GAS6: variants seen among roughly 807,000 people sequenced by gnomAD.
GAS6 encodes growth arrest specific 6, also known as growth arrest-specific protein 6.
GAS6 carries 41 observed loss-of-function variants against 75.8 expected under a neutral mutation model. That is an observed-to-expected ratio of 0.54 (90% CI 0.42 to 0.70). GAS6 has a LOEUF of 0.70. GAS6 is among the 30% of genes least tolerant of loss of function. The pLI, the probability that GAS6 is intolerant of heterozygous loss-of-function variation, is 0.00. For missense variants in GAS6, 854 were observed against 940.2 expected, an observed-to-expected ratio of 0.91 and a Z score of 1.20; for synonymous variants, 432 against 412.6, an observed-to-expected ratio of 1.05 and a Z score of -0.57.
At chr13:113,831,243 G>C (rs1160722074) in intron 10 of GAS6, among the ~76,000 whole-genome samples, 1 of 152,180 alleles carries the variant, frequency 6.6e-6, no homozygotes, top group Non-Finnish European at 1.5e-5. Flanking sequence ...GGTCCAGGTG[G>C]TCAGGACGTC....
intron 10 of GAS6, among the ~76,000 whole-genome samples, chr13:113,830,890 C>T (rs889891683): frequency 6.6e-6 from 1 of 152,278 alleles, no homozygotes; most frequent in African/African-American, 2.4e-5. Flanking sequence ...ACTGCTTCTG[C>T]TTCCTTTGCT....
At chr13:113,821,076 G>GC (rs921514421) in intron 14 of GAS6, 58 bp from the exon 15 acceptor site, 194 of 1,575,742 alleles carry the variant, frequency 1.2e-4, no homozygotes, top group Middle Eastern at 6.3e-4. Flanking sequence ...GCCCCGCCTG[G>GC]CCCCCCCACC....
chr13:113,847,226 G>C, intron 3 of GAS6: 1 of 259,630 alleles, frequency 3.9e-6, no homozygotes, highest in Non-Finnish European at 7.7e-6. Flanking sequence ...GCTGTGGACC[G>C]CTGGCCACCC....
chr13:113,859,228 A>G (rs368307679), intron 2 of GAS6, among the ~76,000 whole-genome samples: 1 of 147,808 alleles, frequency 6.8e-6, no homozygotes, highest in Admixed American at 6.7e-5. Flanking sequence ...GTATGTGTAC[A>G]TGTCTGTGTG....
At chr13:113,832,924 T>A (rs964335787) in intron 8 of GAS6, 172 bp from the exon 9 acceptor site, 2 of 1,493,256 alleles carry the variant, frequency 1.3e-6, no homozygotes, top group African/African-American at 1.4e-5. Context: ...CCACTGGGAC[T>A]CCCAGGTGAA....
At chr13:113,859,502 GTA>G (rs1435024174) in intron 2 of GAS6, among the ~76,000 whole-genome samples, 2 of 151,824 alleles carry the variant, frequency 1.3e-5, no homozygotes, top group East Asian at 1.9e-4. Context: ...ATGTCTGTTA[GTA>G]TGTGTGTGTG....
Position 113,839,763 on chromosome 13 carries a change from C to T in GAS6, c.431G>A (p.Cys144Tyr). 1 of 1,614,042 alleles carries T rather than the reference C, an allele frequency of 6.2e-7. No homozygotes were observed. The highest frequency in any genetic ancestry group is 8.5e-7 in the Non-Finnish European group (1 of 1,180,008). The change falls in exon 5 of 15, where the codon TGT becomes TAT. Residue 144 changes from cysteine to tyrosine, a missense_variant. Physicochemically the swap from Cys to Tyr is radical, Grantham distance 194 (BLOSUM62 -2). Transcript: ENST00000327773. ...GAGCCGGCCCCCCCAGCCAGCTTTACACAGGCAGAAGAAGTTGCCCATGAG... is the reference window on the plus strand; with the variant it reads ...GAGCCGGCCCCCCCAGCCAGCTTTATACAGGCAGAAGAAGTTGCCCATGAG... ...QDLMGNFFCL[C>Y]KAGWGGRLCD...
At chr13:113,835,774 T>G in intron 6 of GAS6, 139 bp from the exon 7 acceptor site, 1 of 1,468,272 alleles carries the variant, frequency 6.8e-7, no homozygotes, top group South Asian at 1.4e-5. Flanking sequence ...CCTGGCCCCA[T>G]TTCCCTGCCC....
chr13:113,835,856 C>T (rs2051696488), intron 6 of GAS6: 1 of 1,351,922 alleles, frequency 7.4e-7, no homozygotes, highest in Non-Finnish European at 9.5e-7. Flanking sequence ...GGAAGGCTGA[C>T]TTCAGCCCAG....
chr13:113,825,234 C>CAAAAAAAA (rs71105207), intron 12 of GAS6, among the ~76,000 whole-genome samples: 1 of 58,360 alleles, frequency 1.7e-5, no homozygotes, highest in African/African-American at 7.1e-5. Flanking sequence ...AACTCCGTCT[C>CAAAAAAAA]AAAAAAAAAA....
At chr13:113,833,275 C>T in intron 8 of GAS6, 1 of 1,041,502 alleles carries the variant, frequency 9.6e-7, no homozygotes, top group Non-Finnish European at 1.2e-6. Flanking sequence ...GTGAGCTGGA[C>T]ATCTCGCAGG....
At chr13:113,851,039 G>A (rs947812095) in intron 2 of GAS6, among the ~76,000 whole-genome samples, 2 of 151,434 alleles carry the variant, frequency 1.3e-5, no homozygotes, top group African/African-American at 4.9e-5. Flanking sequence ...ATGAATGAAT[G>A]GATGAGTGGA....
chr13:113,863,649 G>A lies in GAS6; in HGVS notation c.181C>T (p.Leu61=). ...AGCTCCTCCACGCACTCCCTCTCCAGGTGGCCCTGCTTGGCCTCCTCGAAG... is the reference window on the plus strand; with the variant it reads ...AGCTCCTCCACGCACTCCCTCTCCAAGTGGCCCTGCTTGGCCTCCTCGAAG... ...QVFEEAKQGH[L]ERECVEELCS... is the part of the protein sequence containing the mutation. Residue 61 remains leucine, a synonymous_variant, in exon 2 of 15, where the codon CTG becomes TTG. Coordinates refer to ENST00000327773, the MANE Select transcript of GAS6 (RefSeq NM_000820.4). The surrounding 1 kb of genome is among the most constrained non-coding windows in gnomAD (Gnocchi z 9.4). The A allele has an allele frequency of 6.6e-7, 1 of 1,525,128 alleles. No individual in the cohort carries two copies. Among genetic ancestry groups the A allele is most frequent in the Middle Eastern group, 1.7e-4 (1 of 5,910 alleles). The allele number at this position is 1,525,128 out of a possible 1,614,324, so 94.5% of individuals were successfully genotyped here.
At chr13:113,822,422 C>A in intron 13 of GAS6, 1 of 440,018 alleles carries the variant, frequency 2.3e-6, no homozygotes, top group Non-Finnish European at 4.0e-6. Context: ...TGTGGGGGAA[C>A]AAGTGTGGCC....
At chr13:113,856,153 G>A (rs1298716322) in intron 2 of GAS6, among the ~76,000 whole-genome samples, 5 of 152,210 alleles carry the variant, frequency 3.3e-5, no homozygotes, top group Non-Finnish European at 5.9e-5. Context: ...AATGCTCCGA[G>A]CCACTGACAC....
chr13:113,820,643 C>A lies in GAS6; in HGVS notation c.*221G>T. ...ATAATAGAGAATTATTTTCTTCGAG[C>A]CCGCTCTGCGCTGCGCCGGCCTCCC... On this transcript the variant is annotated 3_prime_UTR_variant, in exon 15 of 15. Transcript: ENST00000327773. The A allele has an allele frequency of 1.9e-6, 1 of 516,140 alleles. No individual in the cohort carries two copies. Among genetic ancestry groups the A allele is most frequent in the Non-Finnish European group, 3.4e-6 (1 of 290,094 alleles). 32.0% of individuals were successfully genotyped at this position (516,140 alleles called of 1,614,324 possible). A position where few individuals can be genotyped will look rare whatever the true frequency, so the allele number is the denominator to read the frequency against.
At chr13:113,821,842 G>GTCC in intron 14 of GAS6, 116 bp downstream of exon 14, 1 of 774,916 alleles carries the variant, frequency 1.3e-6, no homozygotes, top group Non-Finnish European at 2.0e-6. Flanking sequence ...TAAAACACAA[G>GTCC]TCCTCTTCCG....
intron 12 of GAS6, 30 bp downstream of exon 12, chr13:113,826,966 G>A (rs1325160000): frequency 1.9e-6 from 3 of 1,581,534 alleles, no homozygotes; most frequent in South Asian, 2.2e-5. Flanking sequence ...TGCAGCCACA[G>A]CCACCCCAAC....
chr13:113,842,052 T>C (rs1388997135), intron 4 of GAS6: 1 of 133,050 alleles, frequency 7.5e-6, no homozygotes, highest in Non-Finnish European at 1.6e-5. Flanking sequence ...TACGCCTCAA[T>C]TTCCTTTGTA....
Sources: gnomAD v4.1 joint callset for allele counts (sites outside exome capture counted in the v4.1 genomes callset) on GRCh38, gnomAD v4.1.1 for gene constraint, Gnocchi (gnomAD v3.1) non-coding constraint, MANE v1.5 for transcripts, NCBI Gene and HGNC (gene_info 2026-07-23, HGNC 2026-07-21) for gene names.